The following NEBL variants were observed in gnomAD, a reference collection of about 807,000 sequenced individuals.
The protein encoded by NEBL is nebulette.
Under a neutral mutation model 140.2 loss-of-function variants are expected in NEBL, and 122 were observed. That is an observed-to-expected ratio of 0.87 (90% confidence interval 0.75 to 1.01). The LOEUF (loss-of-function observed/expected upper bound fraction) is 1.01, where lower values mean the gene tolerates loss of function less well. Among genes scored for constraint, NEBL ranks in the 50% least tolerant of loss-of-function variants. The pLI, the probability that NEBL is intolerant of heterozygous loss-of-function variation, is 0.00. For synonymous variants in NEBL, 436 were observed against 398.9 expected (o/e 1.09, Z -1.11); for missense variants, 1,365 against 1,231.3 (o/e 1.11, Z -1.62).
chr10:21,280,740 G>A (rs1184148783), intron 1 of NEBL, among the ~76,000 whole-genome samples: 3 of 138,500 alleles, frequency 2.2e-5, no homozygotes, highest in South Asian at 2.4e-4. Context: ...TCAGCCTCCC[G>A]AGTAGGTGGG....
At chr10:21,116,181 G>C (rs1321797522) in intron 2 of NEBL, among the ~76,000 whole-genome samples, 3 of 151,660 alleles carry the variant, frequency 2.0e-5, no homozygotes, top group Non-Finnish European at 4.4e-5. Flanking sequence ...TATTAGCTCA[G>C]GCTGCTATAA....
intron 2 of NEBL, among the ~76,000 whole-genome samples, chr10:21,147,739 C>T (rs1288046125): frequency 6.6e-6 from 1 of 152,136 alleles, no homozygotes; most frequent in Non-Finnish European, 1.5e-5. Flanking sequence ...ATCTGGTTGC[C>T]CAGAGCAACT....
intron 2 of NEBL, among the ~76,000 whole-genome samples, chr10:21,059,394 A>G (rs1345769681): frequency 6.6e-6 from 1 of 152,224 alleles, no homozygotes; most frequent in African/African-American, 2.4e-5. Context: ...CAGAATACTA[A>G]AGGGCAAGTC....
At position 20,859,791 on chromosome 10, in the gene NEBL, C is replaced by T. The variant is rs746237029; in HGVS notation, c.720G>A (p.Lys240=). The change falls in exon 8 of 28, where the codon AAG becomes AAA. Residue 240 remains lysine, a synonymous_variant. Transcript: ENST00000377122. ...GAGGATTGTAATGATGTTTCTTATC[C>T]TTCATTTCATTATCAAATTTTTCTT... ...KYKEKFDNEM[K]DKKHHYNPLE... 13 of 1,588,436 alleles carry T rather than the reference C, an allele frequency of 8.2e-6. No individual in the cohort carries two copies. In the Admixed American group the frequency reaches 2.2e-4, roughly 27 times the overall value.
intron 24 of NEBL, 29 bp downstream of exon 24, chr10:20,812,740 A>G (rs1838285215): frequency 4.3e-6 from 7 of 1,612,930 alleles, no homozygotes; most frequent in Non-Finnish European, 5.9e-6. Context: ...TCGACCACAC[A>G]CACCGGCCGA....
At chr10:21,110,647 A>G (rs1837956628) in intron 2 of NEBL, 1 of 393,408 alleles carries the variant, frequency 2.5e-6, no homozygotes, top group South Asian at 2.0e-5. Context: ...ATCTCCATCC[A>G]TCTTCTCTCC....
At chr10:20,941,383 A>G (rs1230057043) in intron 4 of NEBL, among the ~76,000 whole-genome samples, 7 of 151,982 alleles carry the variant, frequency 4.6e-5, no homozygotes, top group Non-Finnish European at 7.4e-5. Flanking sequence ...AAAATTCAAC[A>G]ACCTTCATGC....
intron 3 of NEBL, among the ~76,000 whole-genome samples, chr10:20,995,787 G>A (rs1373785424): frequency 6.6e-6 from 1 of 152,098 alleles, no homozygotes; most frequent in Non-Finnish European, 1.5e-5. Flanking sequence ...AGCCACCTCT[G>A]CAGATGCTGC....
At chr10:21,097,933 G>A (rs1026304145) in intron 2 of NEBL, among the ~76,000 whole-genome samples, 2 of 152,182 alleles carry the variant, frequency 1.3e-5, no homozygotes, top group African/African-American at 4.8e-5. Flanking sequence ...TAATGGTCTA[G>A]ACAAGTGTTA....
chr10:21,184,043 C>G (rs1841426969), intron 3 of NEBL, among the ~76,000 whole-genome samples: 1 of 152,166 alleles, frequency 6.6e-6, no homozygotes, highest in Non-Finnish European at 1.5e-5. Context: ...GTCCGTTAAA[C>G]CTCTTTCTTT....
At chr10:21,281,015 A>G (rs570932246) in intron 1 of NEBL, among the ~76,000 whole-genome samples, 1 of 152,294 alleles carries the variant, frequency 6.6e-6, no homozygotes, top group Admixed American at 6.5e-5. Flanking sequence ...ATATGTTCAA[A>G]TATTTAGAAG....
At chr10:21,154,399 C>A (rs1370756790) in intron 2 of NEBL, among the ~76,000 whole-genome samples, 3 of 144,216 alleles carry the variant, frequency 2.1e-5, no homozygotes, top group African/African-American at 7.9e-5. Flanking sequence ...GTGGAGGTTG[C>A]AATGAGCTGA....
intron 1 of NEBL, among the ~76,000 whole-genome samples, chr10:21,276,491 C>T (rs2132294016): frequency 6.6e-6 from 1 of 152,266 alleles, no homozygotes; most frequent in East Asian, 1.9e-4. Flanking sequence ...CCTCTTCTCA[C>T]CAAAACTGAG....
At chr10:20,922,602 A>G (rs931819833) in intron 4 of NEBL, among the ~76,000 whole-genome samples, 1 of 152,240 alleles carries the variant, frequency 6.6e-6, no homozygotes, top group African/African-American at 2.4e-5. Flanking sequence ...CCTCCAGGGA[A>G]GGAGATTCTA....
At chr10:20,976,209 C>T (rs907710021) in intron 3 of NEBL, among the ~76,000 whole-genome samples, 10 of 151,846 alleles carry the variant, frequency 6.6e-5, no homozygotes, top group South Asian at 4.2e-4. Flanking sequence ...AGCATGGTGG[C>T]GGGCACCTGT....
At chr10:21,166,448 A>G (rs1372379328) in intron 2 of NEBL, among the ~76,000 whole-genome samples, 1 of 152,150 alleles carries the variant, frequency 6.6e-6, no homozygotes, top group Non-Finnish European at 1.5e-5. Flanking sequence ...AAACTTCGGT[A>G]TAAACCTTTT....
At chr10:20,996,116 C>G (rs1837656189) in intron 3 of NEBL, among the ~76,000 whole-genome samples, 1 of 152,160 alleles carries the variant, frequency 6.6e-6, no homozygotes, top group East Asian at 1.9e-4. Flanking sequence ...TCAGACACAG[C>G]ATAAACCAAA....
At chr10:20,974,393 A>G (rs987121101) in intron 3 of NEBL, among the ~76,000 whole-genome samples, 1 of 151,744 alleles carries the variant, frequency 6.6e-6, no homozygotes, top group African/African-American at 2.4e-5. Context: ...ACTTGGGACT[A>G]CAGGCATGCT....
intron 3 of NEBL, among the ~76,000 whole-genome samples, chr10:21,232,673 C>T (rs192010518): frequency 8.3e-4 from 127 of 152,258 alleles, no homozygotes; most frequent in South Asian, 2.5e-3. Context: ...TCTGATGAGG[C>T]GGAGCTCACG....
Sources: allele counts gnomAD v4.1 joint callset (sites outside exome capture counted in the v4.1 genomes callset), GRCh38; gene constraint gnomAD v4.1.1; transcripts MANE v1.5; gene names NCBI Gene and HGNC (gene_info 2026-07-23, HGNC 2026-07-21).